Variants in ASNS observed in about 807,000 individuals in gnomAD.
The protein encoded by ASNS is asparagine synthetase (glutamine-hydrolyzing), also known as asparagine synthetase [glutamine-hydrolyzing].
ASNS carries 37 observed loss-of-function variants against 62.6 expected under a neutral mutation model. The observed-to-expected ratio is 0.59, with a 90% CI of 0.45 to 0.78. The LOEUF is 0.78. Among genes scored for constraint, ASNS ranks in the 30% least tolerant of loss-of-function variants. The pLI, the probability that ASNS is intolerant of heterozygous loss-of-function variation, is 0.00. For missense variants in ASNS, 520 were observed against 682.4 expected (o/e 0.76, Z 2.65); for synonymous variants, 207 against 237.9 (o/e 0.87, Z 1.19).
intron 1 of ASNS, among the ~76,000 whole-genome samples, chr7:97,870,906 T>C (rs1276077837): frequency 6.6e-6 from 1 of 152,204 alleles, no homozygotes; most frequent in Non-Finnish European, 1.5e-5. Context: ...TTATTTTTTC[T>C]AGTAGGAAAA....
At chr7:97,907,750 C>A in the ASNS span, among the ~76,000 whole-genome samples, 1 of 134,302 alleles carries the variant, frequency 7.4e-6, no homozygotes, top group Admixed American at 8.4e-5. Context: ...ACCTGGGTGA[C>A]AGAGCAAGAC....
the ASNS span, among the ~76,000 whole-genome samples, chr7:97,926,916 C>T: frequency 6.6e-6 from 1 of 152,014 alleles, no homozygotes; most frequent in South Asian, 2.1e-4. Flanking sequence ...GTCTCTCTCT[C>T]TCTCTTTTGC....
the ASNS span, chr7:97,906,513 A>G: frequency 2.9e-5 from 5 of 175,014 alleles, no homozygotes; most frequent in African/African-American, 1.2e-4. Context: ...TACAATTTTC[A>G]CCTCTTGAAT....
the ASNS span, among the ~76,000 whole-genome samples, chr7:97,913,985 T>C: frequency 6.7e-6 from 1 of 150,344 alleles, no homozygotes; most frequent in East Asian, 2.0e-4. Context: ...GGGGGATAGA[T>C]GGGTAGCTGA....
chr7:97,883,458 T>A, the ASNS span, among the ~76,000 whole-genome samples: 12 of 152,096 alleles, frequency 7.9e-5, no homozygotes, highest in East Asian at 2.3e-3. Flanking sequence ...ACGTGGGTTT[T>A]ACCTCCTAAA....
chr7:97,873,818 T>C (rs1792378373), upstream of ASNS, among the ~76,000 whole-genome samples: 3 of 145,908 alleles, frequency 2.1e-5, no homozygotes, highest in South Asian at 6.6e-4. Flanking sequence ...ATCTCCTGCT[T>C]GTCCGTCCAG....
chr7:97,903,946 C>T, the ASNS span, among the ~76,000 whole-genome samples: 14 of 152,040 alleles, frequency 9.2e-5, no homozygotes, highest in Non-Finnish European at 2.1e-4. Flanking sequence ...TAGCAAGAAG[C>T]TCATTCTGCA....
At chr7:97,888,534 A>G in the ASNS span, among the ~76,000 whole-genome samples, 3 of 152,196 alleles carry the variant, frequency 2.0e-5, no homozygotes, top group Non-Finnish European at 4.4e-5. Flanking sequence ...CTGTGTCACT[A>G]CGACAGAGGT....
intron 4 of ASNS, 187 bp downstream of exon 4, chr7:97,864,072 A>C (rs1308579407): frequency 1.8e-6 from 1 of 549,128 alleles, no homozygotes; most frequent in Admixed American, 3.4e-5. Context: ...TCATCCTTCA[A>C]GGATTACAGA....
At chr7:97,867,271 T>C (rs901484528) in intron 3 of ASNS, among the ~76,000 whole-genome samples, 1 of 150,820 alleles carries the variant, frequency 6.6e-6, no homozygotes, top group African/African-American at 2.4e-5. Flanking sequence ...CTGTATTTTA[T>C]TGTAGTGGTA....
At chr7:97,870,571 G>A (rs184637721) in intron 1 of ASNS, among the ~76,000 whole-genome samples, 21 of 152,270 alleles carry the variant, frequency 1.4e-4, no homozygotes, top group Admixed American at 1.4e-3. Context: ...TGGAAATGAA[G>A]TACCACATGT....
chr7:97,871,873 GAGACGGTGATA>G (rs1250327507), intron 1 of ASNS: 1 of 152,262 alleles, frequency 6.6e-6, no homozygotes, highest in Non-Finnish European at 1.5e-5. Flanking sequence ...AGCAGACACC[GAGACGGTGATA>G]AGGCCGCAGT....
At chr7:97,866,138 T>G (rs1213950395) in intron 3 of ASNS, among the ~76,000 whole-genome samples, 1 of 152,236 alleles carries the variant, frequency 6.6e-6, no homozygotes, top group Non-Finnish European at 1.5e-5. Flanking sequence ...TTTGCAACTA[T>G]AAACTTTTGA....
intron 4 of ASNS, among the ~76,000 whole-genome samples, chr7:97,859,788 A>G (rs1248933792): frequency 6.6e-6 from 1 of 152,184 alleles, no homozygotes; most frequent in Non-Finnish European, 1.5e-5. Flanking sequence ...ATAGGCTGGG[A>G]GTCATTTATT....
Position 97,864,496 on chromosome 7 carries a change from T to A in ASNS, c.250A>T (p.Met84Leu), listed in dbSNP as rs772499410. ...YNGEIYNHKK[M>L]QQHFEFEYQT... ...TATTCAAATTCAAAATGCTGTTGCATCTTAGGAAGCGAAAGCAAAACCAAA... is the reference window on the plus strand; with the variant it reads ...TATTCAAATTCAAAATGCTGTTGCAACTTAGGAAGCGAAAGCAAAACCAAA... The change falls in exon 4 of 13, where the codon ATG (methionine) becomes TTG (leucine). Residue 84 changes from methionine to leucine, a missense_variant and splice_region_variant. Coordinates refer to ENST00000394308, the MANE Select transcript of ASNS (RefSeq NM_001673.5). The A allele has an allele frequency of 1.4e-5, 23 of 1,612,644 alleles. No individual in the cohort carries two copies. The East Asian group carries it at 4.9e-4, about 34-fold the overall frequency.
At position 97,854,690 on chromosome 7, in the gene ASNS, A is replaced by G. The variant is rs1323700066; in HGVS notation, c.1138-10T>C. The G allele has an allele frequency of 6.2e-6, 10 of 1,613,892 alleles. No individual in the cohort carries two copies. Among genetic ancestry groups the G allele is most frequent in the African/African-American group, 1.3e-5 (1 of 74,928 alleles). ...TTTCAGGAGAAGGAGCCTATTTCAC[A>G]AACAAAAACACCAAGAGTTTTGCTT... On this transcript the variant is annotated splice_polypyrimidine_tract_variant and intron_variant, in intron 9 of 12. Coordinates refer to ENST00000394308, the MANE Select transcript of ASNS (RefSeq NM_001673.5).
chr7:97,886,132 G>GT, the ASNS span: 375 of 342,426 alleles, frequency 1.1e-3, 1 homozygote, highest in Non-Finnish European at 1.3e-3. Context: ...TTACTGTTGT[G>GT]TTTTTTTTGT....
intron 1 of ASNS, chr7:97,870,255 A>G: frequency 1.3e-6 from 1 of 754,396 alleles, no homozygotes; most frequent in Non-Finnish European, 2.1e-6. Flanking sequence ...AGAGGTCCAG[A>G]TACATTCCGT....
chr7:97,919,132 T>A, the ASNS span, among the ~76,000 whole-genome samples: 1 of 151,944 alleles, frequency 6.6e-6, no homozygotes, highest in Non-Finnish European at 1.5e-5. Flanking sequence ...GGACACAATC[T>A]CGGCTCACTG....
Sources: allele counts gnomAD v4.1 joint callset (sites outside exome capture counted in the v4.1 genomes callset), GRCh38; gene constraint gnomAD v4.1.1; transcripts MANE v1.5; gene names NCBI Gene and HGNC (gene_info 2026-07-23, HGNC 2026-07-21).